Variants in GPHN observed in about 807,000 individuals in gnomAD.
The protein encoded by GPHN is gephyrin.
A neutral mutation model predicts 95.5 loss-of-function variants in GPHN; 17 were observed. The observed-to-expected ratio is 0.18, with a 90% CI of 0.12 to 0.27. GPHN has a LOEUF of 0.27. Ranked by LOEUF, GPHN falls within the 10% of genes least tolerant of loss-of-function variation. The pLI is 1.00. For synonymous variants in GPHN, 320 were observed against 322.5 expected, an observed-to-expected ratio of 0.99 and a Z score of 0.08; for missense variants, 660 against 978.1, an observed-to-expected ratio of 0.67 and a Z score of 4.34.
intron 2 of GPHN, among the ~76,000 whole-genome samples, chr14:66,762,492 G>A (rs2058794942): frequency 1.3e-5 from 2 of 150,368 alleles, no homozygotes; most frequent in South Asian, 4.2e-4. Flanking sequence ...TTGTCTTTAT[G>A]ACAGCATTTA....
At chr14:66,592,544 T>C (rs879192823) in intron 1 of GPHN, among the ~76,000 whole-genome samples, 2 of 150,824 alleles carry the variant, frequency 1.3e-5, no homozygotes, top group African/African-American at 4.9e-5. Context: ...AAAAAACATA[T>C]GAAAAAAGCT....
the GPHN span, among the ~76,000 whole-genome samples, chr14:67,318,188 T>C: frequency 6.6e-6 from 1 of 152,242 alleles, no homozygotes; most frequent in African/African-American, 2.4e-5. Flanking sequence ...TTCCTTCTTA[T>C]GTAATTTATA....
At chr14:67,729,454 C>T in the GPHN span, 1 of 1,431,018 alleles carries the variant, frequency 7.0e-7, no homozygotes, top group Non-Finnish European at 9.7e-7. Flanking sequence ...GCTGTTCATC[C>T]TGAGAAGCTG....
the GPHN span, chr14:67,515,633 G>T: frequency 6.6e-6 from 1 of 152,312 alleles, no homozygotes; most frequent in African/African-American, 2.4e-5. Flanking sequence ...CCAGGGCCGC[G>T]GCGCAGGTGG....
intron 1 of GPHN, among the ~76,000 whole-genome samples, chr14:66,665,228 T>C (rs1367032483): frequency 1.3e-5 from 2 of 152,036 alleles, no homozygotes; most frequent in East Asian, 3.9e-4. Context: ...GATGCAAAAA[T>C]CCTCTGCAAA....
chr14:66,543,812 C>G (rs1002454286), intron 1 of GPHN, among the ~76,000 whole-genome samples: 3 of 152,298 alleles, frequency 2.0e-5, no homozygotes, highest in African/African-American at 7.2e-5. Flanking sequence ...TACCCTGGTT[C>G]AAACCACCAT....
intron 3 of GPHN, among the ~76,000 whole-genome samples, chr14:66,777,083 T>C (rs74385403): frequency 9.3e-6 from 1 of 107,392 alleles, no homozygotes; most frequent in African/African-American, 3.3e-5. Context: ...GCAAGACTAA[T>C]AAAAAAAAAA....
rs937695557 is a variant in GPHN at position 67,069,510 on chromosome 14, A to G, written c.1144+10724A>G. Among the ~76,000 whole-genome samples, 9 of 152,374 alleles carry G rather than the reference A, an allele frequency of 5.9e-5. No homozygotes were observed. In the East Asian group the frequency reaches 1.5e-3, roughly 26 times the overall value. Reference sequence around the variant, plus strand: ...GCCTATGTGCCGTGGTCAGTATTCTAAAAGAGATACTTCACTGCTACAAAC... The same window carrying G: ...GCCTATGTGCCGTGGTCAGTATTCTGAAAGAGATACTTCACTGCTACAAAC... On this transcript the variant is annotated intron_variant, in intron 11 of 22. Coordinates refer to ENST00000478722, the MANE Select transcript of GPHN (RefSeq NM_020806.5).
intron 2 of GPHN, among the ~76,000 whole-genome samples, chr14:66,736,606 T>C (rs1349306961): frequency 2.0e-5 from 3 of 151,814 alleles, no homozygotes; most frequent in Admixed American, 2.0e-4. Context: ...CATCATGTTG[T>C]ACAGGCTGAT....
At chr14:67,353,104 C>T in the GPHN span, 9 of 1,249,186 alleles carry the variant, frequency 7.2e-6, no homozygotes, top group Middle Eastern at 1.9e-4. Context: ...AAAAAACCCT[C>T]CCCACCAGTG....
the GPHN span, among the ~76,000 whole-genome samples, chr14:67,234,098 T>C: frequency 6.6e-6 from 1 of 152,240 alleles, no homozygotes; most frequent in Non-Finnish European, 1.5e-5. Context: ...TCAGTTTGTC[T>C]TCACAAGCAC....
the GPHN span, among the ~76,000 whole-genome samples, chr14:67,618,399 G>A: frequency 6.6e-6 from 1 of 151,932 alleles, no homozygotes; most frequent in Non-Finnish European, 1.5e-5. Context: ...TTTGAGATAG[G>A]GTCTCACTCT....
intron 3 of GPHN, among the ~76,000 whole-genome samples, chr14:66,795,887 C>A (rs1171703715): frequency 6.6e-6 from 1 of 152,028 alleles, no homozygotes; most frequent in Non-Finnish European, 1.5e-5. Flanking sequence ...AAGTTAATTT[C>A]TGTAGTCACT....
At position 66,681,199 on chromosome 14, in the gene GPHN, T is replaced by C. The variant is rs1277576112; in HGVS notation, c.143+14T>C. 2 of 1,450,422 alleles carry C rather than the reference T, an allele frequency of 1.4e-6. No individual in the cohort carries two copies. The highest frequency in any genetic ancestry group is 1.9e-6 in the Non-Finnish European group (2 of 1,033,222). The allele number at this position is 1,450,422 out of a possible 1,614,324, so 89.8% of individuals were successfully genotyped here. A position where few individuals can be genotyped will look rare whatever the true frequency, so the allele number is the denominator to read the frequency against. On this transcript the variant is annotated intron_variant, in intron 2 of 22. Coordinates refer to ENST00000478722, the MANE Select transcript of GPHN (RefSeq NM_020806.5). The stretch of plus-strand genomic sequence containing the variant: ...AGATCCTTCTTTGTGAGTATTGTGC[T>C]TTCAGTATTAAGTATAAATTAAAAC...
At chr14:67,178,092 G>A (rs2083105997) in intron 21 of GPHN, among the ~76,000 whole-genome samples, 1 of 152,164 alleles carries the variant, frequency 6.6e-6, no homozygotes, top group Non-Finnish European at 1.5e-5. Context: ...GTGTGAATTT[G>A]ATCCTGTCAT....
At position 66,898,590 on chromosome 14, in the gene GPHN, A is replaced by G. The variant is rs561105155; in HGVS notation, c.390-17413A>G. On this transcript the variant is annotated intron_variant, in intron 5 of 22. Coordinates refer to ENST00000478722, the MANE Select transcript of GPHN (RefSeq NM_020806.5). Reference sequence around the variant, plus strand: ...AGTTCTGGTTTCTCTGTTCTGTTCTATATGTCTGTCCCTCTGTCAGTACCA... The same window carrying G: ...AGTTCTGGTTTCTCTGTTCTGTTCTGTATGTCTGTCCCTCTGTCAGTACCA... 2.7e-5 allele frequency among the ~76,000 whole-genome samples: 4 copies of G among 150,000 alleles called. No homozygotes were observed. The South Asian group carries it at 8.4e-4, about 32-fold the overall frequency.
the GPHN span, chr14:67,317,588 A>G: frequency 4.5e-6 from 3 of 672,268 alleles, no homozygotes; most frequent in South Asian, 6.9e-5. Flanking sequence ...CATTTAGTAG[A>G]AAGTATTTTC....
At chr14:67,021,155 A>G (rs1173209511) in intron 9 of GPHN, among the ~76,000 whole-genome samples, 1 of 152,126 alleles carries the variant, frequency 6.6e-6, no homozygotes, top group Non-Finnish European at 1.5e-5. Flanking sequence ...TACATGCATA[A>G]ATAATAAACA....
At chr14:67,563,404 T>C in the GPHN span, among the ~76,000 whole-genome samples, 2 of 151,826 alleles carry the variant, frequency 1.3e-5, no homozygotes, top group African/African-American at 2.4e-5. Context: ...TATTTTTCTT[T>C]CTTTGTTTTT....
Sources: allele counts gnomAD v4.1 joint callset (sites outside exome capture counted in the v4.1 genomes callset), GRCh38; gene constraint gnomAD v4.1.1; transcripts MANE v1.5; gene names NCBI Gene and HGNC (gene_info 2026-07-23, HGNC 2026-07-21).